LDB2: variants seen among roughly 807,000 people sequenced by gnomAD.
The protein encoded by LDB2 is LIM domain-binding protein 2.
LDB2 carries 12 observed loss-of-function variants against 44.3 expected under a neutral mutation model. The ratio of observed to expected loss-of-function variants is 0.27; its 90% CI spans 0.17 to 0.44. The LOEUF (loss-of-function observed/expected upper bound fraction) is 0.44. Among genes scored for constraint, LDB2 ranks in the 20% least tolerant of loss-of-function variants. The pLI, the probability that LDB2 is intolerant of heterozygous loss-of-function variation, is 1.00. For missense variants in LDB2, 344 were observed against 473.5 expected (o/e 0.73, Z 2.54); for synonymous variants, 164 against 174.8 (o/e 0.94, Z 0.49).
In LDB2 at chr4:16,629,186, TG is replaced by T. The variant is rs1462323024; in HGVS notation, c.236-33312del. ...CTACTGCCTCTCTAGATTCCACCTCTGGGGGCAGGGCATATCAGAACAAAAG... is the reference window on the plus strand; with the variant it reads ...CTACTGCCTCTCTAGATTCCACCTCTGGGGCAGGGCATATCAGAACAAAAG... On this transcript the variant is annotated intron_variant, in intron 2 of 7. Coordinates refer to ENST00000304523, the MANE Select transcript of LDB2 (RefSeq NM_001290.5). Among the ~76,000 whole-genome samples the T allele has an allele frequency of 3.3e-5, 5 of 152,312 alleles. No homozygotes were observed. In the East Asian group the frequency reaches 9.7e-4, roughly 29 times the overall value.
chr4:16,848,905 G>A (rs1361816010), intron 1 of LDB2, among the ~76,000 whole-genome samples: 1 of 152,044 alleles, frequency 6.6e-6, no homozygotes, highest in Non-Finnish European at 1.5e-5. Flanking sequence ...TTCCAGTAAT[G>A]CACTCTCTGC....
intron 1 of LDB2, among the ~76,000 whole-genome samples, chr4:16,818,651 G>C (rs536504888): frequency 6.6e-6 from 1 of 152,248 alleles, no homozygotes; most frequent in African/African-American, 2.4e-5. Flanking sequence ...GTTACGATGA[G>C]GGTTTAAATC....
intron 2 of LDB2, among the ~76,000 whole-genome samples, chr4:16,635,007 T>C (rs528863245): frequency 6.6e-6 from 1 of 152,298 alleles, no homozygotes; most frequent in African/African-American, 2.4e-5. Context: ...TGGATGAAGC[T>C]GGAAACCATC....
chr4:16,840,890 C>T (rs1785750765), intron 1 of LDB2, among the ~76,000 whole-genome samples: 1 of 152,140 alleles, frequency 6.6e-6, no homozygotes, highest in African/African-American at 2.4e-5. Flanking sequence ...TCATTCCTGG[C>T]TCATGGCTGC....
chr4:16,821,382 T>TA (rs201172229), intron 1 of LDB2, among the ~76,000 whole-genome samples: 29 of 21,714 alleles, frequency 1.3e-3, no homozygotes, highest in Middle Eastern at 0.05. Flanking sequence ...TTGAATTTTT[T>TA]TTTTATTTTT....
chr4:16,849,524 G>C (rs1326601390), intron 1 of LDB2, among the ~76,000 whole-genome samples: 4 of 152,122 alleles, frequency 2.6e-5, no homozygotes, highest in Non-Finnish European at 5.9e-5. Flanking sequence ...GAACCCAAAG[G>C]CAATGTCTAA....
chr4:16,891,344 A>G (rs4438755), intron 1 of LDB2, among the ~76,000 whole-genome samples: 66,805 of 130,142 alleles, frequency 0.51, 17,893 homozygotes, highest in African/African-American at 0.73. Flanking sequence ...ATGGAGTCTC[A>G]CTCTGTCGCC....
At chr4:16,682,769 T>C (rs140704509) in intron 2 of LDB2, among the ~76,000 whole-genome samples, 85 of 152,346 alleles carry the variant, frequency 5.6e-4, no homozygotes, top group African/African-American at 1.8e-3. Flanking sequence ...GACTTCATGT[T>C]GAGTCCTCCA....
chr4:16,651,227 G>A (rs1238669911), intron 2 of LDB2: 2 of 152,172 alleles, frequency 1.3e-5, no homozygotes, highest in African/African-American at 4.8e-5. Context: ...GTCTTTCAGT[G>A]GTTGCAGGGA....
chr4:16,622,945 C>T (rs1729286456), intron 2 of LDB2, among the ~76,000 whole-genome samples: 1 of 152,052 alleles, frequency 6.6e-6, no homozygotes, highest in Admixed American at 6.6e-5. Context: ...TCAATTTTAC[C>T]ACGTTTATTT....
intron 5 of LDB2, among the ~76,000 whole-genome samples, chr4:16,563,753 C>T (rs1577763335): frequency 2.0e-5 from 3 of 152,052 alleles, no homozygotes; most frequent in African/African-American, 7.2e-5. Context: ...CCACCGTGCC[C>T]AGTCTCATCA....
intron 2 of LDB2, among the ~76,000 whole-genome samples, chr4:16,597,324 CG>C (rs1251863426): frequency 3.3e-5 from 5 of 152,072 alleles, no homozygotes; most frequent in African/African-American, 7.2e-5. Context: ...CCAGGATTTT[CG>C]GTGATTCCAT....
intron 1 of LDB2, among the ~76,000 whole-genome samples, chr4:16,897,152 G>A (rs1169229692): frequency 6.6e-6 from 1 of 152,150 alleles, no homozygotes; most frequent in African/African-American, 2.4e-5. Flanking sequence ...AATTCTCTAT[G>A]GCTCTGTTGA....
intron 5 of LDB2, among the ~76,000 whole-genome samples, chr4:16,568,004 G>C (rs180881021): frequency 6.6e-6 from 1 of 152,218 alleles, no homozygotes; most frequent in African/African-American, 2.4e-5. Flanking sequence ...GAAAATCATA[G>C]AACCAAGTGG....
At chr4:16,831,745 C>T (rs1430463664) in intron 1 of LDB2, among the ~76,000 whole-genome samples, 5 of 152,202 alleles carry the variant, frequency 3.3e-5, no homozygotes, top group African/African-American at 9.6e-5. Context: ...GAGCACATGA[C>T]TGTCCAGACA....
intron 1 of LDB2, among the ~76,000 whole-genome samples, chr4:16,821,376 A>AT (rs57843463): frequency 0.6 from 69,201 of 115,252 alleles, 16,972 homozygotes; most frequent in South Asian, 0.7. Flanking sequence ...GAATATTTGA[A>AT]TTTTTTTTTT....
At chr4:16,807,951 A>C (rs1024485842) in intron 1 of LDB2, among the ~76,000 whole-genome samples, 1 of 152,232 alleles carries the variant, frequency 6.6e-6, no homozygotes, top group Non-Finnish European at 1.5e-5. Flanking sequence ...AATAAGGAGA[A>C]GGTACAACAG....
chr4:16,516,002 T>A (rs1217862168), intron 5 of LDB2, among the ~76,000 whole-genome samples: 2 of 152,288 alleles, frequency 1.3e-5, no homozygotes, highest in African/African-American at 4.8e-5. Context: ...TAGCTGAGAC[T>A]ACAGGCGCCC....
At chr4:16,883,543 T>C (rs75887270) in intron 1 of LDB2, among the ~76,000 whole-genome samples, 4,030 of 152,334 alleles carry the variant, frequency 0.026, 76 homozygotes, top group Non-Finnish European at 0.039. Context: ...GGGACGTTCC[T>C]CTGATGTTGA....
Sources: allele counts gnomAD v4.1 joint callset (sites outside exome capture counted in the v4.1 genomes callset), GRCh38; gene constraint gnomAD v4.1.1; transcripts MANE v1.5; gene names NCBI Gene and HGNC (gene_info 2026-07-23, HGNC 2026-07-21).